The following VPS52 variants were observed in gnomAD, a reference collection of about 807,000 sequenced individuals.
VPS52 encodes vacuolar protein sorting-associated protein 52 homolog.
In VPS52, 56 loss-of-function variants were observed where a neutral mutation model predicts 98.7. The ratio of observed to expected loss-of-function variants is 0.57; its 90% CI spans 0.46 to 0.71. VPS52 has a LOEUF of 0.71. Among genes scored for constraint, VPS52 ranks in the 30% least tolerant of loss-of-function variants. The pLI is 0.00. For synonymous variants in VPS52, 348 were observed against 346.4 expected (o/e 1.00, Z -0.05); for missense variants, 742 against 925.9 (o/e 0.80, Z 2.58).
Position 33,263,474 on chromosome 6 carries a change from A to C in VPS52, c.1794+10T>G, listed in dbSNP as rs1763915577. 1 of 1,612,732 alleles carries C rather than the reference A, an allele frequency of 6.2e-7. No individual in the cohort carries two copies. Among genetic ancestry groups the C allele is most frequent in the Non-Finnish European group, 8.5e-7 (1 of 1,179,796 alleles). ...GAAGGCTGTCTCTTCCCTTTTCCCC[A>C]CACCCCTACCTGTGTCCGAGCATTG... On this transcript the variant is annotated intron_variant, in intron 17 of 19. Coordinates refer to ENST00000445902, the MANE Select transcript of VPS52 (RefSeq NM_022553.6).
intron 1 of VPS52, chr6:33,271,378 A>G (rs1363672723): frequency 1.5e-5 from 11 of 742,318 alleles, no homozygotes; most frequent in Non-Finnish European, 2.6e-5. Context: ...TGTGGAGTGA[A>G]GTTGAAATTT....
chr6:33,265,586 G>A (rs143758239), intron 12 of VPS52, among the ~76,000 whole-genome samples: 29 of 152,300 alleles, frequency 1.9e-4, no homozygotes, highest in African/African-American at 7.0e-4. Context: ...TGCCCAGGCT[G>A]GTCTCGAACT....
At chr6:33,265,015 G>A (rs1289883186) in intron 12 of VPS52, 115 bp from the exon 13 acceptor site, 10 of 918,034 alleles carry the variant, frequency 1.1e-5, no homozygotes, top group Non-Finnish European at 1.6e-5. Flanking sequence ...CAGGACAGAA[G>A]GGAGAGACGT....
rs1317725739 is a variant in VPS52 at position 33,268,977 on chromosome 6, G to A, written c.548+37C>T. The A allele has an allele frequency of 1.2e-6, 2 of 1,608,266 alleles. No individual in the cohort carries two copies. Among genetic ancestry groups the A allele is most frequent in the Admixed American group, 3.3e-5 (2 of 59,856 alleles). ...GTGGGTCACCCCAGCCCATCCACCT[G>A]CTATGGACATTATAACCCTTCAAAC... On this transcript the variant is annotated intron_variant, in intron 6 of 19. Transcript: ENST00000445902. This position sits in a 1 kb window ranked among gnomAD's most constrained non-coding sequence, Gnocchi z 4.0.
chr6:33,268,025 C>T lies in VPS52; in HGVS notation c.801-28G>A. 6.2e-7 allele frequency: 1 copy of T among 1,612,992 alleles called. No homozygotes were observed. The highest frequency in any genetic ancestry group is 8.5e-7 in the Non-Finnish European group (1 of 1,179,976). ...AGGGGGTCAGGAACATGTCAGTCTA[C>T]CTGTCTCCCAAGAAACCAGATGCCC... On this transcript the variant is annotated intron_variant, in intron 8 of 19. Transcript: ENST00000445902. This position sits in a 1 kb window ranked among gnomAD's most constrained non-coding sequence, Gnocchi z 4.0.
At position 33,270,287 on chromosome 6, in the gene VPS52, GA is replaced by G; in HGVS notation, c.91-5del. 1 of 1,610,540 alleles carries G rather than the reference GA, an allele frequency of 6.2e-7. No homozygotes were observed. Among genetic ancestry groups the G allele is most frequent in the Non-Finnish European group, 8.5e-7 (1 of 1,177,014 alleles). On this transcript the variant is annotated splice_region_variant and splice_polypyrimidine_tract_variant and intron_variant, in intron 1 of 19. Coordinates refer to ENST00000445902, the MANE Select transcript of VPS52 (RefSeq NM_022553.6). ...CCTGGAGCCCAGGACCACCCGCCTG[GA>G]AAGGGATAAGTTAATGGGAGTAGGG... is the stretch of plus-strand genomic sequence containing the variant.
At chr6:33,271,418 AGGGTCCCGCTCAGGGTC>A (rs1408533661) in intron 1 of VPS52, 151 bp downstream of exon 1, 2 of 979,900 alleles carry the variant, frequency 2.0e-6, no homozygotes, top group Non-Finnish European at 3.2e-6. Context: ...TTCAGCCACT[AGGGTCCCGCTCAGGGTC>A]GGGTCTGATC....
chr6:33,255,768 C>G (rs1034880259), intron 17 of VPS52, among the ~76,000 whole-genome samples: 3 of 149,230 alleles, frequency 2.0e-5, no homozygotes, highest in African/African-American at 7.4e-5. Flanking sequence ...ACCACTCCAG[C>G]CTGGGAGACA....
rs1764519302 is a variant in VPS52, at chr6:33,267,778, CCACAA to C, written c.934-44_934-40del. 1.2e-6 allele frequency: 2 copies of C among 1,612,924 alleles called. No homozygotes were observed. The highest frequency in any genetic ancestry group is 2.2e-5 in the South Asian group (2 of 91,074). ...AAAGAGAACTGATAACCGTCTCTTC[CCACAA>C]CACAATAAAATATTCCTTGCCCAGG... is the stretch of plus-strand genomic sequence containing the variant. On this transcript the variant is annotated intron_variant, in intron 9 of 19. Transcript: ENST00000445902. This position sits in a 1 kb window ranked among gnomAD's most constrained non-coding sequence, Gnocchi z 4.2.
chr6:33,251,952 A>G lies in VPS52; in HGVS notation c.1814T>C (p.Leu605Pro). 1 of 1,613,188 alleles carries G rather than the reference A, an allele frequency of 6.2e-7. No individual in the cohort carries two copies. Among genetic ancestry groups the G allele is most frequent in the Non-Finnish European group, 8.5e-7 (1 of 1,180,032 alleles). The change falls in exon 18 of 20, where the codon CTG becomes CCG. Residue 605 changes from leucine to proline, a missense_variant. By Grantham distance (98) the Leu-to-Pro change is moderately conservative. Around this residue, in one of 2 missense-constraint regions of VPS52, gnomAD observed 590 missense variants for 793.3 expected, o/e 0.74. Coordinates refer to ENST00000445902, the MANE Select transcript of VPS52 (RefSeq NM_022553.6). ...CACTAAACCCCCAAAAGGGGGAGAC[A>G]GCAACTCTTCAATGAATTCCTGGAA... ...ARTQEFIEEL[L>P]SPPFGGLVAF...
chr6:33,259,810 C>T (rs1447497367), intron 17 of VPS52, among the ~76,000 whole-genome samples: 1 of 151,918 alleles, frequency 6.6e-6, no homozygotes, highest in Non-Finnish European at 1.5e-5. Context: ...CCTGATAATA[C>T]CACATGTTGG....
In VPS52 at chr6:33,269,182, T is replaced by C. The variant is rs1434482501; in HGVS notation, c.380A>G (p.Glu127Gly). The stretch of plus-strand genomic sequence containing the variant: ...ACTCTGAAAAGCTCCCAACATCTGC[T>C]CCATTCGCTGTAGGGAGGGTAGATG... ...TACDAVLERM[E>G]QMLGAFQSDL... Residue 127 changes from glutamate to glycine, a missense_variant, in exon 6 of 20, where the codon GAG (glutamate) becomes GGG (glycine). By Grantham distance (98) the Glu-to-Gly change is moderately conservative (BLOSUM62 -2). Coordinates refer to ENST00000445902, the MANE Select transcript of VPS52 (RefSeq NM_022553.6). The C allele has an allele frequency of 6.2e-7, 1 of 1,613,020 alleles. No homozygotes were observed. Among genetic ancestry groups the C allele is most frequent in the South Asian group, 1.1e-5 (1 of 91,084 alleles).
intron 16 of VPS52, 71 bp downstream of exon 16, chr6:33,263,701 C>T (rs1763939708): frequency 6.3e-7 from 1 of 1,595,160 alleles, no homozygotes. Flanking sequence ...TCTCTGCCCT[C>T]ACAGAGCTAA....
At chr6:33,255,903 A>C (rs1762891671) in intron 17 of VPS52, among the ~76,000 whole-genome samples, 1 of 152,232 alleles carries the variant, frequency 6.6e-6, no homozygotes, top group South Asian at 2.1e-4. Context: ...CAGCATCCCA[A>C]AGTGCTGGGA....
intron 17 of VPS52, among the ~76,000 whole-genome samples, chr6:33,254,456 T>C (rs1023556798): frequency 9.2e-5 from 14 of 152,114 alleles, no homozygotes; most frequent in African/African-American, 3.1e-4. Context: ...ATTCAACCTA[T>C]TACAGTTGCC....
chr6:33,271,489 G>A (rs1280932048), intron 1 of VPS52, 97 bp downstream of exon 1: 4 of 1,513,392 alleles, frequency 2.6e-6, no homozygotes, highest in Non-Finnish European at 3.6e-6. Context: ...ATCACGGGTA[G>A]CAGCCAAGTT....
rs993785422 is a variant in VPS52, at chr6:33,260,576, C to T, written c.1794+2908G>A. ...TCCCTGTGCTTCTCGTGCACAGGTA[C>T]TCGTTGATCTAAATGTTGCATTTAT... On this transcript the variant is annotated intron_variant, in intron 17 of 19. Coordinates refer to ENST00000445902, the MANE Select transcript of VPS52 (RefSeq NM_022553.6). Among the ~76,000 whole-genome samples, 4 of 152,156 alleles carry T rather than the reference C, an allele frequency of 2.6e-5. No homozygotes were observed. In the South Asian group the frequency reaches 6.2e-4, roughly 24 times the overall value.
At position 33,268,571 on chromosome 6, in the gene VPS52, G is replaced by A; in HGVS notation, c.627C>T (p.Val209=). Residue 209 remains valine, a synonymous_variant, in exon 7 of 20, where the codon GTC becomes GTT. Transcript: ENST00000445902. The surrounding 1 kb of genome is among the most constrained non-coding windows in gnomAD (Gnocchi z 4.0). ...LQELDAKAAA[V]REQEARGTAA... is the part of the protein sequence containing the mutation. ...CTGTGCCTCTAGCTTCCTGCTCTCT[G>A]ACTGCGGCTGCCTTGGCATCCAGCT... 1 of 1,612,460 alleles carries A rather than the reference G, an allele frequency of 6.2e-7. No individual in the cohort carries two copies. Among genetic ancestry groups the A allele is most frequent in the East Asian group, 2.2e-5 (1 of 44,878 alleles).
rs1479978136 is a variant in VPS52 at position 33,269,258 on chromosome 6, C to G, written c.373-69G>C. ...GGGGATAAGTGGGCCACCAAAGACT[C>G]TTTGTGAAGTCTTCAGTATTTATCA... On this transcript the variant is annotated intron_variant, in intron 5 of 19. Coordinates refer to ENST00000445902, the MANE Select transcript of VPS52 (RefSeq NM_022553.6). 1.9e-6 allele frequency: 3 copies of G among 1,583,216 alleles called. No homozygotes were observed. In the African/African-American group the frequency reaches 4.1e-5, roughly 21 times the overall value.
Sources: gnomAD v4.1 joint callset for allele counts (sites outside exome capture counted in the v4.1 genomes callset) on GRCh38, gnomAD v4.1.1 for gene constraint, gnomAD v4.1.1 regional missense constraint, Gnocchi (gnomAD v3.1) non-coding constraint, MANE v1.5 for transcripts, NCBI Gene and HGNC (gene_info 2026-07-23, HGNC 2026-07-21) for gene names.